The following BCAS3 variants were observed in gnomAD, a reference collection of about 807,000 sequenced individuals.
BCAS3 encodes the protein BCAS3 microtubule associated cell migration factor.
In BCAS3, 53 loss-of-function variants were observed where a neutral mutation model predicts 116.1. That is an observed-to-expected ratio of 0.46 (90% CI 0.37 to 0.57). The LOEUF (loss-of-function observed/expected upper bound fraction) is 0.57. Ranked by LOEUF, BCAS3 falls within the 20% of genes least tolerant of loss-of-function variation. The probability of loss-of-function intolerance (pLI) is 0.00; values close to 1 mark genes in which losing one functional copy is unlikely to be tolerated. For missense variants in BCAS3, 917 were observed against 1,165.4 expected, an observed-to-expected ratio of 0.79 and a Z score of 3.10; for synonymous variants, 391 against 408.2, an observed-to-expected ratio of 0.96 and a Z score of 0.51.
intron 23 of BCAS3, among the ~76,000 whole-genome samples, chr17:61,375,245 T>C (rs959865948): frequency 4.4e-5 from 6 of 135,210 alleles, no homozygotes; most frequent in African/African-American, 2.3e-4. Flanking sequence ...TGTGTGTGTG[T>C]GTGTGTGTGT....
chr17:60,800,284 A>G (rs1568279303), intron 6 of BCAS3, among the ~76,000 whole-genome samples: 3 of 152,150 alleles, frequency 2.0e-5, no homozygotes, highest in East Asian at 1.9e-4. Flanking sequence ...TACTATTGTC[A>G]TGATCCTTTG....
intron 22 of BCAS3, among the ~76,000 whole-genome samples, chr17:61,250,934 T>C (rs1360722041): frequency 2.0e-5 from 3 of 152,228 alleles, no homozygotes; most frequent in Non-Finnish European, 4.4e-5. Context: ...TGGGTGCCTT[T>C]GTGGTACTTC....
At position 61,367,278 on chromosome 17, in the gene BCAS3, G is replaced by A. The variant is rs771623485; in HGVS notation, c.2426-1049G>A. Reference sequence around the variant, plus strand: ...ATGCAGTGGATTCAGTTACCTAATCGCTGGGGAAATGGTATGTGCTTAAAG... The same window carrying A: ...ATGCAGTGGATTCAGTTACCTAATCACTGGGGAAATGGTATGTGCTTAAAG... On this transcript the variant is annotated intron_variant, in intron 22 of 23. Transcript: ENST00000407086. This position sits in a 1 kb window ranked among gnomAD's most constrained non-coding sequence, Gnocchi z 6.2. Among the ~76,000 whole-genome samples the A allele has an allele frequency of 4.6e-5, 7 of 152,214 alleles. No individual in the cohort carries two copies. Among genetic ancestry groups the A allele is most frequent in the African/African-American group, 9.6e-5 (4 of 41,454 alleles).
At chr17:61,154,498 G>GT (rs1447406298) in intron 22 of BCAS3, among the ~76,000 whole-genome samples, 3 of 151,698 alleles carry the variant, frequency 2.0e-5, no homozygotes, top group African/African-American at 7.3e-5. Flanking sequence ...TGCAGTGGGG[G>GT]GATCATGGCT....
chr17:60,757,589 T>C (rs2043131647), intron 6 of BCAS3, among the ~76,000 whole-genome samples: 1 of 152,104 alleles, frequency 6.6e-6, no homozygotes, highest in Non-Finnish European at 1.5e-5. Context: ...GTCTATGTTG[T>C]TACCCCACAT....
rs777712174 is a variant in BCAS3, at chr17:61,217,932, T to C, written c.2425+133368T>C. ...AGAGGCCTTCATGCTTTTGAATGAGTTCTGTTACAACAGATCACTGATAAT... is the reference window on the plus strand; with the variant it reads ...AGAGGCCTTCATGCTTTTGAATGAGCTCTGTTACAACAGATCACTGATAAT... On this transcript the variant is annotated intron_variant, in intron 22 of 23. Transcript: ENST00000407086. The surrounding 1 kb of genome is among the most constrained non-coding windows in gnomAD (Gnocchi z 5.2). Among the ~76,000 whole-genome samples the C allele has an allele frequency of 5.9e-5, 9 of 152,184 alleles. No individual in the cohort carries two copies. Among genetic ancestry groups the C allele is most frequent in the Admixed American group, 2.0e-4 (3 of 15,274 alleles).
At chr17:60,958,594 C>A (rs1042785055) in intron 14 of BCAS3, among the ~76,000 whole-genome samples, 1 of 152,130 alleles carries the variant, frequency 6.6e-6, no homozygotes, top group Non-Finnish European at 1.5e-5. Context: ...GAATACTTAC[C>A]ATCATTAAAA....
intron 8 of BCAS3, among the ~76,000 whole-genome samples, chr17:60,869,727 G>T (rs75410246): frequency 0.03 from 4,617 of 152,250 alleles, 178 homozygotes; most frequent in East Asian, 0.092. Flanking sequence ...GATCAGAAGG[G>T]TATAGAAGTG....
At chr17:61,254,016 T>C (rs2048567565) in intron 22 of BCAS3, among the ~76,000 whole-genome samples, 1 of 152,134 alleles carries the variant, frequency 6.6e-6, no homozygotes, top group Admixed American at 6.5e-5. Flanking sequence ...AAAATTCCTT[T>C]AGCCTTTCTT....
At chr17:60,900,897 G>C (rs2057848703) in intron 10 of BCAS3, among the ~76,000 whole-genome samples, 1 of 151,886 alleles carries the variant, frequency 6.6e-6, no homozygotes, top group Non-Finnish European at 1.5e-5. Context: ...TGCTGACTCA[G>C]TTGTAGTTGA....
chr17:60,900,550 G>C (rs2057818708), intron 10 of BCAS3, among the ~76,000 whole-genome samples: 1 of 152,108 alleles, frequency 6.6e-6, no homozygotes, highest in Admixed American at 6.6e-5. Context: ...GAATTCCAGT[G>C]TTTTACCTTG....
chr17:60,825,002 C>A (rs1044577741), intron 7 of BCAS3, among the ~76,000 whole-genome samples: 6 of 152,020 alleles, frequency 3.9e-5, no homozygotes, highest in African/African-American at 1.4e-4. Flanking sequence ...CCTGTCTCTA[C>A]AAAAAATACA....
At chr17:61,150,341 T>C (rs957677387) in intron 22 of BCAS3, among the ~76,000 whole-genome samples, 3 of 152,218 alleles carry the variant, frequency 2.0e-5, no homozygotes, top group African/African-American at 7.2e-5. Flanking sequence ...GTTTTAAGTG[T>C]TGCCTTCTGG....
At chr17:61,035,706 C>G (rs2066972700) in intron 17 of BCAS3, among the ~76,000 whole-genome samples, 1 of 152,018 alleles carries the variant, frequency 6.6e-6, no homozygotes, top group African/African-American at 2.4e-5. Flanking sequence ...GAGGATACAT[C>G]CAAGACCTCC....
chr17:61,058,629 T>G (rs946744173), intron 19 of BCAS3, among the ~76,000 whole-genome samples: 5 of 152,246 alleles, frequency 3.3e-5, no homozygotes, highest in African/African-American at 1.2e-4. Flanking sequence ...GCACTTTGAT[T>G]GTTTCTCTCA....
At position 61,378,459 on chromosome 17, in the gene BCAS3, A is replaced by T. The variant is rs1479156549; in HGVS notation, c.2593+9965A>T. 6.6e-6 allele frequency: 1 copy of T among 152,084 alleles called. No homozygotes were observed. Among genetic ancestry groups the T allele is most frequent in the Non-Finnish European group, 1.5e-5 (1 of 68,030 alleles). The allele number at this position is 152,084 out of a possible 1,614,324, so 9.4% of individuals were successfully genotyped here. A position where few individuals can be genotyped will look rare whatever the true frequency, so the allele number is the denominator to read the frequency against. ...GCAAAGAGTGTATGCTGCCTTTTCC[A>T]TTAACTTGCTCACCAATTCCCTTCG... On this transcript the variant is annotated intron_variant, in intron 23 of 23. Transcript: ENST00000407086. This position sits in a 1 kb window ranked among gnomAD's most constrained non-coding sequence, Gnocchi z 5.8.
Position 61,128,354 on chromosome 17 carries a change from T to C in BCAS3, c.2425+43790T>C. 1 of 985,428 alleles carries C rather than the reference T, an allele frequency of 1.0e-6. No individual in the cohort carries two copies. The highest frequency in any genetic ancestry group is 1.2e-6 in the Non-Finnish European group (1 of 829,930). The allele number at this position is 985,428 out of a possible 1,614,324, so 61.0% of individuals were successfully genotyped here. ...GAGCTCCATTCCAGTTCCTTTCTTA[T>C]TTGTTTGATGTACAGGCTTATTTAA... On this transcript the variant is annotated intron_variant, in intron 22 of 23. Transcript: ENST00000407086. The surrounding 1 kb of genome is among the most constrained non-coding windows in gnomAD (Gnocchi z 4.1).
chr17:60,934,586 G>C (rs1048035753), intron 13 of BCAS3, among the ~76,000 whole-genome samples: 6 of 152,188 alleles, frequency 3.9e-5, no homozygotes, highest in Non-Finnish European at 7.3e-5. Context: ...AAACACTGAA[G>C]TACTTGAATA....
In BCAS3 at chr17:61,122,171, A is replaced by T. The variant is rs982047306; in HGVS notation, c.2425+37607A>T. Among the ~76,000 whole-genome samples, 1 of 152,234 alleles carries T rather than the reference A, an allele frequency of 6.6e-6. No individual in the cohort carries two copies. Among genetic ancestry groups the T allele is most frequent in the Non-Finnish European group, 1.5e-5 (1 of 68,032 alleles). Reference sequence around the variant, plus strand: ...CTCCCTTCCCCCAGTTTTAATCACAACTAAAATCATACACATGCATCTTCC... The same window carrying T: ...CTCCCTTCCCCCAGTTTTAATCACATCTAAAATCATACACATGCATCTTCC... On this transcript the variant is annotated intron_variant, in intron 22 of 23. Transcript: ENST00000407086. This position sits in a 1 kb window ranked among gnomAD's most constrained non-coding sequence, Gnocchi z 4.6.
Sources: allele counts gnomAD v4.1 joint callset (sites outside exome capture counted in the v4.1 genomes callset), GRCh38; gene constraint gnomAD v4.1.1; non-coding constraint Gnocchi (gnomAD v3.1); transcripts MANE v1.5; gene names NCBI Gene and HGNC (gene_info 2026-07-23, HGNC 2026-07-21).